PTK7: variants seen among roughly 807,000 people sequenced by gnomAD.
PTK7 encodes the protein protein tyrosine kinase 7 (inactive).
A neutral mutation model predicts 116.6 loss-of-function variants in PTK7; 39 were observed. That is an observed-to-expected ratio of 0.33 (90% CI 0.26 to 0.44). The LOEUF (loss-of-function observed/expected upper bound fraction) is 0.44, where lower values mean the gene tolerates loss of function less well. PTK7 is among the 20% of genes least tolerant of loss of function. The probability of loss-of-function intolerance (pLI) is 1.00; values close to 1 mark genes in which losing one functional copy is unlikely to be tolerated. For missense variants in PTK7, 1,169 were observed against 1,425.6 expected, an observed-to-expected ratio of 0.82 and a Z score of 2.90; for synonymous variants, 546 against 563.6, an observed-to-expected ratio of 0.97 and a Z score of 0.44.
At chr6:43,127,940 A>AT (rs1769398656) in intron 1 of PTK7, among the ~76,000 whole-genome samples, 1 of 152,080 alleles carries the variant, frequency 6.6e-6, no homozygotes, top group Non-Finnish European at 1.5e-5. Context: ...AAAAAAAAAA[A>AT]GAACAGGACA....
rs769280433 is a variant in PTK7 at position 43,141,825 on chromosome 6, C to T, written c.1768+8C>T. 13 of 1,612,368 alleles carry T rather than the reference C, an allele frequency of 8.1e-6. No homozygotes were observed. The highest frequency in any genetic ancestry group is 6.7e-5 in the East Asian group (3 of 44,834). On this transcript the variant is annotated splice_region_variant and intron_variant, in intron 11 of 19. Transcript: ENST00000230419. This position sits in a 1 kb window ranked among gnomAD's most constrained non-coding sequence, Gnocchi z 4.9. ...TCCAGCTCACTGTGGCAGGTGCGAC[C>T]GTGGCAGGGCCCTGGGGCTGGGAGG...
At chr6:43,144,627 C>T (rs1238720516) in intron 15 of PTK7, 21 bp downstream of exon 15, 1 of 1,591,128 alleles carries the variant, frequency 6.3e-7, no homozygotes, top group African/African-American at 1.3e-5. Context: ...TTGACTACAG[C>T]TGCCCCTGCC....
chr6:43,132,466 G>A lies in PTK7; in HGVS notation c.1007G>A (p.Gly336Asp). The change falls in exon 7 of 20, where the codon GGC (glycine) becomes GAC (aspartate). Residue 336 changes from glycine (G) to aspartate (D), a missense_variant. Coordinates refer to ENST00000230419, the MANE Select transcript of PTK7 (RefSeq NM_002821.5). ...PLFEPRVFTA[G>D]SEERVTCLPP... ...TTTGAGCCACGGGTGTTTACAGCTG[G>A]CAGCGAGGAGCGTGTGACCTGCCTT... The A allele has an allele frequency of 6.3e-7, 1 of 1,595,638 alleles. No homozygotes were observed.
intron 1 of PTK7, among the ~76,000 whole-genome samples, chr6:43,082,332 C>T (rs1490361477): frequency 6.6e-6 from 1 of 152,096 alleles, no homozygotes; most frequent in African/African-American, 2.4e-5. Context: ...CGCACCACCA[C>T]GCCAGGCTAA....
intron 1 of PTK7, among the ~76,000 whole-genome samples, chr6:43,080,313 C>G (rs949131673): frequency 6.6e-6 from 1 of 152,078 alleles, no homozygotes; most frequent in Non-Finnish European, 1.5e-5. Context: ...GATTGCACCA[C>G]TGCACTCCAG....
In PTK7 at chr6:43,141,841, G is replaced by C. The variant is rs1770428714; in HGVS notation, c.1768+24G>C. On this transcript the variant is annotated intron_variant, in intron 11 of 19. Coordinates refer to ENST00000230419, the MANE Select transcript of PTK7 (RefSeq NM_002821.5). This position sits in a 1 kb window ranked among gnomAD's most constrained non-coding sequence, Gnocchi z 4.9. ...AGGTGCGACCGTGGCAGGGCCCTGG[G>C]GCTGGGAGGGCCCTCTGGGGTAGCA... The C allele has an allele frequency of 6.2e-7, 1 of 1,610,020 alleles. No homozygotes were observed. Among genetic ancestry groups the C allele is most frequent in the African/African-American group, 1.3e-5 (1 of 74,886 alleles).
chr6:43,076,421 T>C lies in PTK7; in HGVS notation c.-68T>C. On this transcript the variant is annotated 5_prime_UTR_variant, in exon 1 of 20. Transcript: ENST00000230419. The surrounding 1 kb of genome is among the most constrained non-coding windows in gnomAD (Gnocchi z 5.7). ...GCGCTCCGGTGCGCTCCGCCTCCTG[T>C]GCCCGCCGCGGAGCGCAGTCTGCGC... 5 of 1,331,432 alleles carry C rather than the reference T, an allele frequency of 3.8e-6. No individual in the cohort carries two copies. The highest frequency in any genetic ancestry group is 4.9e-6 in the Non-Finnish European group (5 of 1,014,504). The allele number at this position is 1,331,432 out of a possible 1,614,324, so 82.5% of individuals were successfully genotyped here.
intron 17 of PTK7, among the ~76,000 whole-genome samples, chr6:43,152,038 G>A (rs1213377556): frequency 3.3e-5 from 5 of 151,352 alleles, no homozygotes; most frequent in Non-Finnish European, 5.9e-5. Flanking sequence ...TAGTAGAGAC[G>A]GGGTTTCATC....
intron 1 of PTK7, among the ~76,000 whole-genome samples, chr6:43,092,112 C>A (rs572590183): frequency 1.6e-4 from 25 of 152,314 alleles, no homozygotes; most frequent in Non-Finnish European, 1.0e-4. Flanking sequence ...CCACCCACCT[C>A]GGCCTCCCAA....
intron 1 of PTK7, among the ~76,000 whole-genome samples, chr6:43,085,392 G>A (rs1395913763): frequency 3.3e-5 from 5 of 152,006 alleles, no homozygotes; most frequent in South Asian, 4.1e-4. Context: ...GGGATTATAG[G>A]TGCCCGCCAC....
intron 1 of PTK7, among the ~76,000 whole-genome samples, chr6:43,104,198 G>A (rs1356334554): frequency 6.6e-6 from 1 of 152,060 alleles, no homozygotes; most frequent in Non-Finnish European, 1.5e-5. Context: ...TAAGGTAACA[G>A]TAAGGAAAAT....
At chr6:43,117,138 C>T (rs1388682628) in intron 1 of PTK7, among the ~76,000 whole-genome samples, 2 of 152,126 alleles carry the variant, frequency 1.3e-5, no homozygotes, top group African/African-American at 4.8e-5. Context: ...TAGACTTCAA[C>T]TATGGACAGC....
At chr6:43,159,007 T>C in intron 18 of PTK7, 39 bp downstream of exon 18, 1 of 1,608,702 alleles carries the variant, frequency 6.2e-7, no homozygotes. Context: ...CCCCATTTTT[T>C]CCCAGAGGGT....
intron 17 of PTK7, among the ~76,000 whole-genome samples, chr6:43,147,396 C>T (rs1770788023): frequency 6.6e-6 from 1 of 152,226 alleles, no homozygotes; most frequent in South Asian, 2.1e-4. Context: ...TGTGGCCCGG[C>T]CCCTTCTTCC....
At position 43,159,796 on chromosome 6, in the gene PTK7, A is replaced by G. The variant is rs1431480924; in HGVS notation, c.2882A>G (p.Tyr961Cys). Residue 961 changes from tyrosine (Y) to cysteine (C), a missense_variant, in exon 19 of 20, where the codon TAC becomes TGC. By Grantham distance (194) the Tyr-to-Cys change is radical (BLOSUM62 -2). Transcript: ENST00000230419. The part of the protein sequence containing the change: ...LSKDVYNSEY[Y>C]HFRQAWVPLR... ...TTGCTTCTCTCCTGCAGTGAGTACT[A>G]CCACTTCCGCCAGGCCTGGGTGCCG... is the stretch of plus-strand genomic sequence containing the variant. 1.9e-6 allele frequency: 3 copies of G among 1,614,104 alleles called. No homozygotes were observed. Among genetic ancestry groups the G allele is most frequent in the Non-Finnish European group, 2.5e-6 (3 of 1,179,996 alleles).
intron 1 of PTK7, among the ~76,000 whole-genome samples, chr6:43,108,386 C>T (rs535637245): frequency 8.2e-5 from 12 of 147,212 alleles, no homozygotes; most frequent in South Asian, 2.2e-4. Flanking sequence ...TGAGCCACCG[C>T]GCCCGGCCAA....
intron 1 of PTK7, among the ~76,000 whole-genome samples, chr6:43,110,845 G>T (rs543025232): frequency 1.3e-5 from 2 of 152,150 alleles, no homozygotes; most frequent in African/African-American, 2.4e-5. Flanking sequence ...TGTATCTTAC[G>T]TAGTCAGGCA....
At chr6:43,092,147 C>T (rs1766988855) in intron 1 of PTK7, among the ~76,000 whole-genome samples, 1 of 151,734 alleles carries the variant, frequency 6.6e-6, no homozygotes, top group African/African-American at 2.4e-5. Context: ...AGGCGTGAGC[C>T]TCTGTGCCCG....
At chr6:43,140,408 G>A (rs1242637190) in intron 10 of PTK7, among the ~76,000 whole-genome samples, 1 of 150,100 alleles carries the variant, frequency 6.7e-6, no homozygotes, top group Non-Finnish European at 1.5e-5. Context: ...AGCCGAGATT[G>A]TGCCACTGCA....
Sources: gnomAD v4.1 joint callset for allele counts (sites outside exome capture counted in the v4.1 genomes callset) on GRCh38, gnomAD v4.1.1 for gene constraint, Gnocchi (gnomAD v3.1) non-coding constraint, MANE v1.5 for transcripts, NCBI Gene and HGNC (gene_info 2026-07-23, HGNC 2026-07-21) for gene names.